RECK: variants seen among roughly 807,000 people sequenced by gnomAD.
RECK encodes reversion-inducing cysteine-rich protein with Kazal motifs.
In RECK, 69 loss-of-function variants were observed where a neutral mutation model predicts 115.1. That is an observed-to-expected ratio of 0.60 (90% CI 0.49 to 0.73). RECK has a LOEUF of 0.73. Among genes scored for constraint, RECK ranks in the 30% least tolerant of loss-of-function variants. The pLI is 0.00. For missense variants in RECK, 1,047 were observed against 1,203.7 expected (o/e 0.87, Z 1.93); for synonymous variants, 414 against 419.7 (o/e 0.99, Z 0.17).
intron 11 of RECK, among the ~76,000 whole-genome samples, chr9:36,101,440 G>A (rs1396827755): frequency 2.0e-5 from 3 of 152,278 alleles, no homozygotes; most frequent in East Asian, 3.9e-4. Context: ...GTTGGTATGT[G>A]GCTCAGTGCT....
At position 36,037,054 on chromosome 9, in the gene RECK, C is replaced by CG; in HGVS notation, c.61dup (p.Val21GlyfsTer19). ...GCGCTGCTCCTTCTGCTGGCCGTGG[C>CG]GGGGGTCGCGGAGGTGGCAGGGGGC... On this transcript the variant is annotated frameshift_variant, in exon 1 of 21. Coordinates refer to ENST00000377966, the MANE Select transcript of RECK (RefSeq NM_021111.3). LOFTEE classifies it high-confidence loss of function. 7.2e-7 allele frequency: 1 copy of CG among 1,395,948 alleles called. No individual in the cohort carries two copies. The highest frequency in any genetic ancestry group is 1.5e-5 in the African/African-American group (1 of 66,250). 86.5% of individuals were successfully genotyped at this position (1,395,948 alleles called of 1,614,324 possible). A position where few individuals can be genotyped will look rare whatever the true frequency, so the allele number is the denominator to read the frequency against.
At chr9:36,104,517 C>CT (rs375907420) in intron 12 of RECK, among the ~76,000 whole-genome samples, 3,730 of 132,634 alleles carry the variant, frequency 0.028, 152 homozygotes, top group African/African-American at 0.087. Context: ...TGAGGGGGGG[C>CT]TTTTTTTTTT....
chr9:36,067,889 G>C (rs979552284), intron 6 of RECK, among the ~76,000 whole-genome samples: 1 of 152,164 alleles, frequency 6.6e-6, no homozygotes, highest in Non-Finnish European at 1.5e-5. Context: ...GAAAGGATTG[G>C]TATAATTTGG....
intron 3 of RECK, among the ~76,000 whole-genome samples, 191 bp downstream of exon 3, chr9:36,059,092 A>T (rs1416958244): frequency 1.3e-5 from 2 of 152,196 alleles, no homozygotes; most frequent in Non-Finnish European, 2.9e-5. Context: ...TTCTTCTTTT[A>T]TTATCCTATG....
At chr9:36,099,083 A>C (rs1293000426) in intron 10 of RECK, among the ~76,000 whole-genome samples, 1 of 152,014 alleles carries the variant, frequency 6.6e-6, no homozygotes, top group East Asian at 1.9e-4. Flanking sequence ...AAAATTAACC[A>C]GGTGTGGTGG....
intron 6 of RECK, among the ~76,000 whole-genome samples, chr9:36,071,502 A>G (rs1288367378): frequency 3.3e-5 from 5 of 152,178 alleles, no homozygotes; most frequent in Non-Finnish European, 7.4e-5. Flanking sequence ...CTGAAGTACA[A>G]TGCTACAAAT....
Position 36,080,469 on chromosome 9 carries a change from G to C in RECK, c.406-136G>C. The C allele has an allele frequency of 4.2e-6, 3 of 716,182 alleles. No individual in the cohort carries two copies. In the South Asian group the frequency reaches 4.9e-5, roughly 12 times the overall value. 44.4% of individuals were successfully genotyped at this position (716,182 alleles called of 1,614,324 possible). On this transcript the variant is annotated intron_variant, in intron 6 of 20. Coordinates refer to ENST00000377966, the MANE Select transcript of RECK (RefSeq NM_021111.3). ...ACCAGAATATCATTTCATAACTTCT[G>C]TGTTTTCAGTCTTGGATTTAGGGAA...
chr9:36,060,073 G>A (rs1456463275), intron 3 of RECK, 46 bp from the exon 4 acceptor site: 1 of 1,557,520 alleles, frequency 6.4e-7, no homozygotes, highest in Non-Finnish European at 8.8e-7. Flanking sequence ...GTCATATTTA[G>A]GAACTGGTTA....
At chr9:36,060,000 C>A in intron 3 of RECK, 119 bp from the exon 4 acceptor site, 1 of 844,766 alleles carries the variant, frequency 1.2e-6, no homozygotes, top group South Asian at 1.6e-5. Flanking sequence ...AGTTCTAGAA[C>A]ATTGACTGTG....
intron 12 of RECK, among the ~76,000 whole-genome samples, chr9:36,103,437 A>G (rs1222231043): frequency 1.3e-5 from 2 of 152,228 alleles, no homozygotes; most frequent in Non-Finnish European, 2.9e-5. Flanking sequence ...CAACATGGCT[A>G]TTGGAGTTCT....
intron 18 of RECK, among the ~76,000 whole-genome samples, chr9:36,119,638 A>G (rs1007023648): frequency 4.6e-5 from 7 of 152,164 alleles, no homozygotes; most frequent in Non-Finnish European, 7.3e-5. Flanking sequence ...AGCTTTCACT[A>G]TGTGCCAGAC....
chr9:36,066,597 T>C (rs1294847346), intron 6 of RECK, among the ~76,000 whole-genome samples: 1 of 152,146 alleles, frequency 6.6e-6, no homozygotes, highest in Non-Finnish European at 1.5e-5. Context: ...AAATTATAGC[T>C]CTCCTCCGTT....
rs1027714964 is a variant in RECK, at chr9:36,124,269, T to C, written c.*1224T>C. 3 of 152,632 alleles carry C rather than the reference T, an allele frequency of 2.0e-5. No individual in the cohort carries two copies. The highest frequency in any genetic ancestry group is 2.9e-5 in the Non-Finnish European group (2 of 68,034). The allele number at this position is 152,632 out of a possible 1,614,324, so 9.5% of individuals were successfully genotyped here. ...TATTTTTTCAGTATTATATGTACCC[T>C]CTGAAATACATAGGGATATGCGTAT... On this transcript the variant is annotated 3_prime_UTR_variant, in exon 21 of 21. Coordinates refer to ENST00000377966, the MANE Select transcript of RECK (RefSeq NM_021111.3).
At chr9:36,096,323 C>T (rs7857886) in intron 10 of RECK, among the ~76,000 whole-genome samples, 3,820 of 151,106 alleles carry the variant, frequency 0.025, 174 homozygotes, top group African/African-American at 0.086. Context: ...GATTACCTGA[C>T]GTCAAGAGTT....
chr9:36,073,616 A>G (rs561078119), intron 6 of RECK, among the ~76,000 whole-genome samples: 54 of 152,222 alleles, frequency 3.5e-4, no homozygotes, highest in African/African-American at 1.1e-3. Flanking sequence ...TTAAAGACCA[A>G]ATTTGATCCA....
chr9:36,056,858 C>A, intron 2 of RECK: 2 of 407,636 alleles, frequency 4.9e-6, no homozygotes, highest in Non-Finnish European at 6.6e-6. Flanking sequence ...CATTAATTCA[C>A]TAGGCGTTGC....
chr9:36,096,733 C>A (rs1823356101), intron 10 of RECK, among the ~76,000 whole-genome samples: 1 of 152,022 alleles, frequency 6.6e-6, no homozygotes, highest in Non-Finnish European at 1.5e-5. Flanking sequence ...AATAGGAGAA[C>A]ATCTTCACAA....
chr9:36,107,544 G>T (rs1042712392), intron 13 of RECK, among the ~76,000 whole-genome samples: 21 of 148,314 alleles, frequency 1.4e-4, no homozygotes, highest in Non-Finnish European at 3.0e-4. Flanking sequence ...GGCAGAAGTT[G>T]CACTGAGCCA....
At chr9:36,114,889 G>C (rs1297923596) in intron 16 of RECK, among the ~76,000 whole-genome samples, 1 of 151,876 alleles carries the variant, frequency 6.6e-6, no homozygotes, top group Non-Finnish European at 1.5e-5. Context: ...GAAAGAAATT[G>C]GTAATAGTGG....
Sources: allele counts gnomAD v4.1 joint callset (sites outside exome capture counted in the v4.1 genomes callset), GRCh38; gene constraint gnomAD v4.1.1; transcripts MANE v1.5; gene names NCBI Gene and HGNC (gene_info 2026-07-23, HGNC 2026-07-21).